The following UGT2A1 variants were observed in gnomAD, a reference collection of about 807,000 sequenced individuals.
UGT2A1 encodes the protein UDP glucuronosyltransferase family 2 member A1 complex locus.
In UGT2A1, 61 loss-of-function variants were observed where a neutral mutation model predicts 45.4. The ratio of observed to expected loss-of-function variants is 1.34; its 90% CI spans 1.09 to 1.66. The LOEUF (loss-of-function observed/expected upper bound fraction) is 1.66, where lower values mean the gene tolerates loss of function less well. UGT2A1 is among the 40% of genes most tolerant of loss of function. UGT2A1 has a pLI of 0.00. For missense variants in UGT2A1, 649 were observed against 574.3 expected, an observed-to-expected ratio of 1.13 and a Z score of -1.33; for synonymous variants, 229 against 196.2, an observed-to-expected ratio of 1.17 and a Z score of -1.40.
intron 1 of UGT2A1, among the ~76,000 whole-genome samples, chr4:69,648,152 T>C (rs1722366797): frequency 6.6e-6 from 1 of 150,530 alleles, no homozygotes; most frequent in Non-Finnish European, 1.5e-5. Flanking sequence ...TTACAATATA[T>C]AAGATTGTCA....
chr4:69,608,588 ATAGG>A (rs932248318), intron 3 of UGT2A1, among the ~76,000 whole-genome samples: 4 of 152,040 alleles, frequency 2.6e-5, no homozygotes, highest in African/African-American at 9.7e-5. Context: ...AAAAAAGAAA[ATAGG>A]TAGGCTGAGA....
At chr4:69,624,323 G>T (rs1378708691) in intron 3 of UGT2A1, among the ~76,000 whole-genome samples, 2 of 151,008 alleles carry the variant, frequency 1.3e-5, no homozygotes, top group Non-Finnish European at 3.0e-5. Flanking sequence ...AGTATCATAG[G>T]TATATTCTCA....
At chr4:69,611,300 TAA>T (rs1720033478) in intron 3 of UGT2A1, among the ~76,000 whole-genome samples, 3 of 149,062 alleles carry the variant, frequency 2.0e-5, no homozygotes, top group African/African-American at 7.5e-5. Flanking sequence ...CAGCTATTCT[TAA>T]TGCTATTAAT....
chr4:69,610,631 C>T (rs1399915515), intron 3 of UGT2A1, among the ~76,000 whole-genome samples: 1 of 152,042 alleles, frequency 6.6e-6, no homozygotes, highest in African/African-American at 2.4e-5. Flanking sequence ...GATAATTAAG[C>T]TTAAAGAGTT....
intron 3 of UGT2A1, among the ~76,000 whole-genome samples, chr4:69,613,240 G>A (rs898658001): frequency 6.6e-6 from 1 of 151,746 alleles, no homozygotes; most frequent in African/African-American, 2.4e-5. Flanking sequence ...ATAACTAGAA[G>A]TAAACAGATA....
chr4:69,648,423 C>A (rs996208480), intron 1 of UGT2A1, among the ~76,000 whole-genome samples: 1 of 151,714 alleles, frequency 6.6e-6, no homozygotes, highest in African/African-American at 2.4e-5. Context: ...ATACATCTAC[C>A]AAAAGTGCTG....
At position 69,641,259 on chromosome 4, in the gene UGT2A1, G is replaced by T. The variant is rs532991895; in HGVS notation, c.716-5437C>A. Among the ~76,000 whole-genome samples the T allele has an allele frequency of 8.9e-4, 135 of 151,936 alleles. 1 individual carries two copies. The highest frequency in any genetic ancestry group is 1.7e-3 in the Non-Finnish European group (112 of 67,848). ...TAAAATATTTACCTAATTTAGTGAA[G>T]AACAATAAAATGTATATAACGCTTT... On this transcript the variant is annotated intron_variant, in intron 2 of 6. Coordinates refer to ENST00000286604, the MANE Select transcript of UGT2A1 (RefSeq NM_001252275.3).
At chr4:69,596,157 G>A (rs946596291) in intron 4 of UGT2A1, 8 of 1,362,968 alleles carry the variant, frequency 5.9e-6, no homozygotes, top group Non-Finnish European at 7.6e-6. Context: ...AGTGTATAAT[G>A]AGTTTTGATT....
At chr4:69,640,328 G>A (rs1721983218) in intron 2 of UGT2A1, among the ~76,000 whole-genome samples, 1 of 151,930 alleles carries the variant, frequency 6.6e-6, no homozygotes, top group African/African-American at 2.4e-5. Flanking sequence ...ATATTACTTT[G>A]TGGATTAACA....
chr4:69,641,068 T>TA (rs1325186006), intron 2 of UGT2A1, among the ~76,000 whole-genome samples: 2 of 151,942 alleles, frequency 1.3e-5, no homozygotes, highest in East Asian at 3.9e-4. Context: ...AAAAATATAA[T>TA]AATTAATTAG....
chr4:69,635,844 A>AAAAAAAAAC (rs1721665889), intron 2 of UGT2A1, 22 bp from the exon 3 acceptor site: 1 of 136,710 alleles, frequency 7.3e-6, no homozygotes, highest in African/African-American at 3.5e-5. Flanking sequence ...AAAAAAAAAA[A>AAAAAAAAAC]AAAAAAGAGA....
intron 3 of UGT2A1, among the ~76,000 whole-genome samples, chr4:69,611,096 A>T (rs1358581613): frequency 2.7e-5 from 4 of 146,608 alleles, no homozygotes; most frequent in Admixed American, 2.1e-4. Context: ...TAGGTAGAAT[A>T]AATGTTATCA....
chr4:69,611,879 C>A (rs539229118), intron 3 of UGT2A1, among the ~76,000 whole-genome samples: 1 of 152,078 alleles, frequency 6.6e-6, no homozygotes, highest in Non-Finnish European at 1.5e-5. Flanking sequence ...ATTACACATA[C>A]GCATTCACAT....
chr4:69,616,573 G>A (rs2109927795), intron 3 of UGT2A1, among the ~76,000 whole-genome samples: 1 of 151,886 alleles, frequency 6.6e-6, no homozygotes, highest in East Asian at 1.9e-4. Flanking sequence ...CAACAAAAAG[G>A]AACTGAAGTG....
chr4:69,610,418 G>A (rs324313), intron 3 of UGT2A1, among the ~76,000 whole-genome samples: 1 of 151,900 alleles, frequency 6.6e-6, no homozygotes, highest in Non-Finnish European at 1.5e-5. Flanking sequence ...GGGCATTTTA[G>A]GTAATTTAAG....
chr4:69,649,158 C>G (rs953546086), intron 1 of UGT2A1, among the ~76,000 whole-genome samples: 2 of 152,018 alleles, frequency 1.3e-5, no homozygotes, highest in Non-Finnish European at 2.9e-5. Context: ...TTAGTAATAT[C>G]ATAAAAATGT....
chr4:69,651,197 A>G (rs548647916), intron 1 of UGT2A1, among the ~76,000 whole-genome samples: 3 of 152,296 alleles, frequency 2.0e-5, no homozygotes, highest in Non-Finnish European at 4.4e-5. Flanking sequence ...TATATTCACA[A>G]CAAAAGGCTT....
intron 3 of UGT2A1, among the ~76,000 whole-genome samples, chr4:69,617,350 T>C (rs184695238): frequency 7.2e-5 from 11 of 152,020 alleles, no homozygotes; most frequent in Admixed American, 7.2e-4. Context: ...AGGAGTTTAA[T>C]AATTTTGTTG....
chr4:69,638,977 T>C (rs182483408), intron 2 of UGT2A1: 8 of 1,613,040 alleles, frequency 5.0e-6, no homozygotes, highest in East Asian at 4.5e-5. Context: ...TAAGATATGG[T>C]ATTTTTAATC....
Sources: gnomAD v4.1 joint callset for allele counts (sites outside exome capture counted in the v4.1 genomes callset) on GRCh38, gnomAD v4.1.1 for gene constraint, MANE v1.5 for transcripts, NCBI Gene and HGNC (gene_info 2026-07-23, HGNC 2026-07-21) for gene names.